Variants in SEL1L2 observed in about 807,000 individuals in gnomAD.
SEL1L2 encodes protein sel-1 homolog 2.
SEL1L2 carries 89 observed loss-of-function variants against 98.8 expected under a neutral mutation model. That is an observed-to-expected ratio of 0.90 (90% CI 0.76 to 1.07). The LOEUF (loss-of-function observed/expected upper bound fraction) is 1.07, where lower values mean the gene tolerates loss of function less well. Ranked by LOEUF, SEL1L2 falls within the 50% of genes least tolerant of loss-of-function variation. SEL1L2 has a pLI of 0.00. For missense variants in SEL1L2, 788 were observed against 812.0 expected (o/e 0.97, Z 0.36); for synonymous variants, 262 against 278.5 (o/e 0.94, Z 0.59).
chr20:13,849,712 C>T, intron 19 of SEL1L2, 108 bp from the exon 20 acceptor site: 1 of 1,310,236 alleles, frequency 7.6e-7, no homozygotes, highest in East Asian at 2.4e-5. Context: ...CCACCCATTC[C>T]CTTTGCTTCC....
At chr20:13,894,251 G>A (rs1414818958) in intron 5 of SEL1L2, among the ~76,000 whole-genome samples, 2 of 152,114 alleles carry the variant, frequency 1.3e-5, no homozygotes, top group Non-Finnish European at 2.9e-5. Flanking sequence ...TAAAAGTTAG[G>A]TTTTTTAAAA....
chr20:13,958,104 C>A (rs965077979), intron 1 of SEL1L2, among the ~76,000 whole-genome samples: 3 of 152,094 alleles, frequency 2.0e-5, no homozygotes, highest in Non-Finnish European at 4.4e-5. Context: ...GCAATGTAGC[C>A]TCATGGTCTA....
At position 13,913,924 on chromosome 20, in the gene SEL1L2, T is replaced by C. The variant is rs751572612; in HGVS notation, c.407A>G (p.Lys136Arg). ...TTTCAAGTTTCCCATGTCAGCTGCTTTGGCAAAAAGTAGGTAGGCTCTGTT... is the reference window on the plus strand; with the variant it reads ...TTTCAAGTTTCCCATGTCAGCTGCTCTGGCAAAAAGTAGGTAGGCTCTGTT... ...QKEEAYLLFAKAADMGNLKAM... is the reference protein window; with the variant it reads ...QKEEAYLLFARAADMGNLKAM... The change falls in exon 5 of 20, where the codon AAA becomes AGA. Residue 136 changes from lysine to arginine, a missense_variant. Transcript: ENST00000284951. 5.8e-6 allele frequency: 9 copies of C among 1,560,592 alleles called. 1 individual carries two copies. The South Asian group carries it at 1.1e-4, about 20-fold the overall frequency.
chr20:13,884,633 G>A (rs1298257988), intron 10 of SEL1L2, among the ~76,000 whole-genome samples: 2 of 151,850 alleles, frequency 1.3e-5, no homozygotes, highest in Non-Finnish European at 1.5e-5. Flanking sequence ...TCAGCTTCCC[G>A]AGTAGCTGAG....
intron 2 of SEL1L2, among the ~76,000 whole-genome samples, chr20:13,945,558 AT>A (rs950751183): frequency 3.9e-5 from 6 of 151,964 alleles, no homozygotes; most frequent in Non-Finnish European, 7.4e-5. Flanking sequence ...CTTCCAAAAA[AT>A]TGCAGAGGAG....
intron 4 of SEL1L2, among the ~76,000 whole-genome samples, chr20:13,918,137 T>C (rs764671271): frequency 5.9e-5 from 9 of 152,168 alleles, no homozygotes; most frequent in Non-Finnish European, 1.3e-4. Context: ...TTGCTTTCTT[T>C]GCCCCCATAC....
At chr20:13,890,067 T>C (rs999481023) in intron 5 of SEL1L2, among the ~76,000 whole-genome samples, 2 of 152,160 alleles carry the variant, frequency 1.3e-5, no homozygotes, top group South Asian at 2.1e-4. Flanking sequence ...AAGCCAAGAA[T>C]AGTCCGTGAA....
intron 5 of SEL1L2, among the ~76,000 whole-genome samples, chr20:13,910,752 G>T (rs2048175637): frequency 6.6e-6 from 1 of 152,136 alleles, no homozygotes; most frequent in African/African-American, 2.4e-5. Context: ...ACAAAAAATG[G>T]CAAGCAACTG....
chr20:13,994,037 ACGGTGGCTC>A, upstream of SEL1L2, among the ~76,000 whole-genome samples: 6 of 152,050 alleles, frequency 3.9e-5, no homozygotes, highest in African/African-American at 1.4e-4. Context: ...CAGGCTGGGC[ACGGTGGCTC>A]ACGCCTGTAA....
chr20:13,973,466 G>C (rs894984000), intron 1 of SEL1L2: 1 of 152,202 alleles, frequency 6.6e-6, no homozygotes, highest in Non-Finnish European at 1.5e-5. Context: ...GCCTGTCTGT[G>C]AATGCTATAA....
At chr20:13,985,709 C>T (rs1315325735) in intron 1 of SEL1L2, among the ~76,000 whole-genome samples, 1 of 152,126 alleles carries the variant, frequency 6.6e-6, no homozygotes, top group African/African-American at 2.4e-5. Context: ...AATTCAATGG[C>T]CTTTAGGATA....
intron 12 of SEL1L2, among the ~76,000 whole-genome samples, chr20:13,874,926 G>A (rs1250841197): frequency 6.6e-6 from 1 of 152,194 alleles, no homozygotes; most frequent in Non-Finnish European, 1.5e-5. Context: ...CATTCGCCAA[G>A]AGCAGGCCGA....
intron 1 of SEL1L2, among the ~76,000 whole-genome samples, chr20:13,960,731 C>T (rs1263867119): frequency 6.6e-6 from 1 of 152,138 alleles, no homozygotes; most frequent in Non-Finnish European, 1.5e-5. Flanking sequence ...ACTTCCCCTA[C>T]AGGATGCTGA....
intron 1 of SEL1L2, among the ~76,000 whole-genome samples, chr20:13,985,305 A>C (rs2052108722): frequency 6.6e-6 from 1 of 152,192 alleles, no homozygotes; most frequent in African/African-American, 2.4e-5. Context: ...ACTACACCAC[A>C]GCAAACTGAT....
intron 1 of SEL1L2, among the ~76,000 whole-genome samples, chr20:13,974,286 G>GT (rs1314720058): frequency 6.6e-6 from 1 of 152,080 alleles, no homozygotes; most frequent in Non-Finnish European, 1.5e-5. Context: ...CATTTAAGAA[G>GT]TTTGTATTTT....
intron 5 of SEL1L2, among the ~76,000 whole-genome samples, chr20:13,907,488 A>G (rs1275007659): frequency 1.3e-5 from 2 of 151,884 alleles, no homozygotes; most frequent in African/African-American, 4.8e-5. Context: ...AGGATTGTTT[A>G]AGCCCAGGAA....
chr20:13,978,728 A>C (rs2051664996), intron 1 of SEL1L2, among the ~76,000 whole-genome samples: 1 of 152,144 alleles, frequency 6.6e-6, no homozygotes, highest in Non-Finnish European at 1.5e-5. Flanking sequence ...AAATAAAATA[A>C]AAATATACAC....
chr20:13,849,392 C>A lies in SEL1L2; in HGVS notation c.*93G>T, dbSNP rs1327674884. ...CACAGCCCTGAGCGGGAAACTGCAG[C>A]GGACTCTTGATTTGGATGGGAAACT... On this transcript the variant is annotated 3_prime_UTR_variant, in exon 20 of 20. Transcript: ENST00000284951. 6 of 1,493,352 alleles carry A rather than the reference C, an allele frequency of 4.0e-6. No individual in the cohort carries two copies. The South Asian group carries it at 7.6e-5, about 19-fold the overall frequency. 92.5% of individuals were successfully genotyped at this position (1,493,352 alleles called of 1,614,324 possible).
Position 13,883,697 on chromosome 20 carries a change from C to T in SEL1L2, c.957+1650G>A, listed in dbSNP as rs554025894. The stretch of plus-strand genomic sequence containing the variant: ...GCACTTCATCCTCACCTGGAGGCAG[C>T]TGCAGCTGCCATCTGGTGACCACAG... On this transcript the variant is annotated intron_variant, in intron 10 of 19. Transcript: ENST00000284951. 3.3e-5 allele frequency among the ~76,000 whole-genome samples: 5 copies of T among 152,340 alleles called. No individual in the cohort carries two copies. The South Asian group carries it at 1.0e-3, about 32-fold the overall frequency.
Sources: gnomAD v4.1 joint callset for allele counts (sites outside exome capture counted in the v4.1 genomes callset) on GRCh38, gnomAD v4.1.1 for gene constraint, MANE v1.5 for transcripts, NCBI Gene and HGNC (gene_info 2026-07-23, HGNC 2026-07-21) for gene names.